The following ULK4 variants were observed in gnomAD, a reference collection of about 807,000 sequenced individuals.
ULK4 encodes the protein unc-51 like kinase 4.
ULK4 carries 133 observed loss-of-function variants against 160.6 expected under a neutral mutation model. The observed-to-expected ratio is 0.83, with a 90% CI of 0.72 to 0.96. The LOEUF is 0.96. Among genes scored for constraint, ULK4 ranks in the 40% least tolerant of loss-of-function variants. The pLI, the probability that ULK4 is intolerant of heterozygous loss-of-function variation, is 0.00. For missense variants in ULK4, 1,580 were observed against 1,499.5 expected (o/e 1.05, Z -0.89); for synonymous variants, 534 against 539.8 (o/e 0.99, Z 0.15).
intron 35 of ULK4, among the ~76,000 whole-genome samples, chr3:41,282,674 C>T (rs1269488351): frequency 6.6e-6 from 1 of 152,044 alleles, no homozygotes; most frequent in Non-Finnish European, 1.5e-5. Flanking sequence ...GACTTAAATG[C>T]AAGAACTAAA....
rs936867646 is a variant in ULK4 at position 41,312,133 on chromosome 3, C to T, written c.3679-62559G>A. On this transcript the variant is annotated intron_variant, in intron 35 of 36. Coordinates refer to ENST00000301831, the MANE Select transcript of ULK4 (RefSeq NM_017886.4). ...GGGCTTACAGATATGTACTACCAAACATGGCTAATTTTTAGAAAATTGTTT... is the reference window on the plus strand; with the variant it reads ...GGGCTTACAGATATGTACTACCAAATATGGCTAATTTTTAGAAAATTGTTT... 3.3e-5 allele frequency among the ~76,000 whole-genome samples: 5 copies of T among 152,056 alleles called. No individual in the cohort carries two copies. In the East Asian group the frequency reaches 9.7e-4, roughly 29 times the overall value.
chr3:41,712,940 C>T (rs974950154), intron 25 of ULK4, among the ~76,000 whole-genome samples: 5 of 151,678 alleles, frequency 3.3e-5, no homozygotes, highest in African/African-American at 7.3e-5. Flanking sequence ...ATCCACAATG[C>T]TAAGTATGTA....
At chr3:41,961,719 T>A (rs1225526356) in intron 1 of ULK4, among the ~76,000 whole-genome samples, 1 of 151,930 alleles carries the variant, frequency 6.6e-6, no homozygotes. Context: ...AGAGATGGCG[T>A]CCATAAAGCA....
intron 35 of ULK4, among the ~76,000 whole-genome samples, chr3:41,344,451 T>C (rs1048492213): frequency 1.3e-5 from 2 of 151,914 alleles, no homozygotes; most frequent in Admixed American, 6.6e-5. Context: ...CAAAAGCAAC[T>C]GCAACAAAAG....
chr3:41,556,583 G>A (rs530316279), intron 32 of ULK4, among the ~76,000 whole-genome samples: 1 of 148,978 alleles, frequency 6.7e-6, no homozygotes, highest in Admixed American at 6.9e-5. Flanking sequence ...CACCTCCTGG[G>A]TTCAAGCGAT....
Position 41,550,105 on chromosome 3 carries a change from A to T in ULK4, c.3226+15920T>A, listed in dbSNP as rs892262791. ...GGGAAAGGACAATATTTACCATCAC[A>T]AAAGTATAAAACCTACTGGTAGAGC... On this transcript the variant is annotated intron_variant, in intron 32 of 36. Transcript: ENST00000301831. Among the ~76,000 whole-genome samples, 4 of 152,104 alleles carry T rather than the reference A, an allele frequency of 2.6e-5. No homozygotes were observed. The East Asian group carries it at 7.7e-4, about 29-fold the overall frequency.
chr3:41,588,274 G>A (rs1221989476), intron 31 of ULK4, among the ~76,000 whole-genome samples: 1 of 152,172 alleles, frequency 6.6e-6, no homozygotes, highest in Non-Finnish European at 1.5e-5. Context: ...TCTGTAGAAT[G>A]CAATTAATAT....
intron 31 of ULK4, among the ~76,000 whole-genome samples, chr3:41,571,469 T>G (rs1032243494): frequency 6.6e-6 from 1 of 152,244 alleles, no homozygotes; most frequent in Non-Finnish European, 1.5e-5. Context: ...CACAATCTTA[T>G]TAGCTTACGG....
chr3:41,821,478 C>G (rs898941045), intron 18 of ULK4, among the ~76,000 whole-genome samples: 2 of 152,200 alleles, frequency 1.3e-5, no homozygotes, highest in African/African-American at 4.8e-5. Flanking sequence ...GACAAACTTT[C>G]CTCCACATAA....
chr3:41,818,990 G>T (rs9856088), intron 19 of ULK4, among the ~76,000 whole-genome samples: 38,746 of 152,062 alleles, frequency 0.25, 6,119 homozygotes, highest in African/African-American at 0.45. Context: ...AATATTAAAA[G>T]CAATGGATAC....
chr3:41,491,078 T>C (rs1252776659), intron 32 of ULK4, among the ~76,000 whole-genome samples: 1 of 152,210 alleles, frequency 6.6e-6, no homozygotes, highest in Non-Finnish European at 1.5e-5. Context: ...TGAGAACACA[T>C]TTAACAAGAA....
chr3:41,460,748 G>T (rs546845871), intron 33 of ULK4, among the ~76,000 whole-genome samples: 1 of 152,130 alleles, frequency 6.6e-6, no homozygotes, highest in Admixed American at 6.6e-5. Context: ...CCACTTATTG[G>T]TCACCTTCAC....
At chr3:41,546,154 T>C (rs1181122686) in intron 32 of ULK4, among the ~76,000 whole-genome samples, 1 of 152,144 alleles carries the variant, frequency 6.6e-6, no homozygotes, top group Non-Finnish European at 1.5e-5. Flanking sequence ...ACCCCCTAAG[T>C]TTTGGTTTAT....
intron 16 of ULK4, among the ~76,000 whole-genome samples, chr3:41,892,757 T>A (rs1363189651): frequency 6.6e-6 from 1 of 152,176 alleles, no homozygotes; most frequent in African/African-American, 2.4e-5. Context: ...AATCACCATA[T>A]CTGGACCATA....
chr3:41,585,571 A>C (rs1412289182), intron 31 of ULK4, among the ~76,000 whole-genome samples: 1 of 152,242 alleles, frequency 6.6e-6, no homozygotes, highest in Non-Finnish European at 1.5e-5. Flanking sequence ...AACTTCTAGA[A>C]GAAAACATAG....
chr3:41,844,645 G>C (rs945847255), intron 17 of ULK4, among the ~76,000 whole-genome samples: 7 of 152,202 alleles, frequency 4.6e-5, no homozygotes, highest in African/African-American at 1.7e-4. Context: ...GGCTCCTCAA[G>C]TGCCGCCAAA....
chr3:41,485,334 G>A (rs1173242450), intron 32 of ULK4, among the ~76,000 whole-genome samples: 1 of 152,196 alleles, frequency 6.6e-6, no homozygotes, highest in East Asian at 1.9e-4. Context: ...TTAAAAAGGT[G>A]TGATTGGGAA....
At chr3:41,538,598 A>T (rs1339989301) in intron 32 of ULK4, among the ~76,000 whole-genome samples, 1 of 152,138 alleles carries the variant, frequency 6.6e-6, no homozygotes, top group Non-Finnish European at 1.5e-5. Context: ...AACCTTGAGA[A>T]ATCACTTTTT....
intron 35 of ULK4, among the ~76,000 whole-genome samples, chr3:41,276,837 A>C (rs563651393): frequency 1.3e-5 from 2 of 152,346 alleles, no homozygotes; most frequent in East Asian, 3.9e-4. Context: ...ATTTGTGCTT[A>C]ATCTCACAGT....
Sources: allele counts gnomAD v4.1 joint callset (sites outside exome capture counted in the v4.1 genomes callset), GRCh38; gene constraint gnomAD v4.1.1; transcripts MANE v1.5; gene names NCBI Gene and HGNC (gene_info 2026-07-23, HGNC 2026-07-21).